The following HMMR variants were observed in gnomAD, a reference collection of about 807,000 sequenced individuals.
The protein encoded by HMMR is hyaluronan mediated motility receptor.
A neutral mutation model predicts 101.0 loss-of-function variants in HMMR; 108 were observed. That is an observed-to-expected ratio of 1.07 (90% CI 0.92 to 1.25). The LOEUF (loss-of-function observed/expected upper bound fraction) is 1.25. Among genes scored for constraint, HMMR ranks in the 50% most tolerant of loss-of-function variants. The probability of loss-of-function intolerance (pLI) is 0.00; values close to 1 mark genes in which losing one functional copy is unlikely to be tolerated. For synonymous variants in HMMR, 296 were observed against 276.4 expected, an observed-to-expected ratio of 1.07 and a Z score of -0.70; for missense variants, 813 against 788.7, an observed-to-expected ratio of 1.03 and a Z score of -0.37.
In HMMR at chr5:163,490,498, G is replaced by T. The variant is rs771048014; in HGVS notation, c.2071G>T (p.Ala691Ser). The T allele has an allele frequency of 2.5e-6, 4 of 1,603,852 alleles. No homozygotes were observed. Among genetic ancestry groups the T allele is most frequent in the East Asian group, 4.5e-5 (2 of 44,736 alleles). Reference protein sequence around the residue: ...LGIKHFDPSKAFHHESKENFA... With the variant: ...LGIKHFDPSKSFHHESKENFA... ...TATCAAACACTTTGATCCTTCAAAG[G>T]CTTTTCATCATGAAAGTAAAGAAAA... Residue 691 changes from alanine (A) to serine (S), a missense_variant, in exon 17 of 18, where the codon GCT (alanine) becomes TCT (serine). Ala to Ser is a moderately conservative substitution (Grantham distance 99, BLOSUM62 1). Transcript: ENST00000393915.
Position 163,464,975 on chromosome 5 carries a change from G to A in HMMR, c.225+173G>A. Reference sequence around the variant, plus strand: ...TAGCAAGTTTTACATTTCTGCCTAGGTCATTATGTTTAAATGTGCCCTTAG... The same window carrying A: ...TAGCAAGTTTTACATTTCTGCCTAGATCATTATGTTTAAATGTGCCCTTAG... On this transcript the variant is annotated intron_variant, in intron 3 of 17. Transcript: ENST00000393915. 8.7e-6 allele frequency: 5 copies of A among 575,004 alleles called. No individual in the cohort carries two copies. The South Asian group carries it at 1.1e-4, about 13-fold the overall frequency. 35.6% of individuals were successfully genotyped at this position (575,004 alleles called of 1,614,324 possible).
At chr5:163,482,596 C>T (rs375134836) in intron 12 of HMMR, 46 bp from the exon 13 acceptor site, 61 of 1,368,522 alleles carry the variant, frequency 4.5e-5, no homozygotes, top group Non-Finnish European at 5.2e-5. Context: ...GATTGTCATA[C>T]GCAATAGTTA....
chr5:163,471,123 GT>G, intron 5 of HMMR, 61 bp from the exon 6 acceptor site: 1 of 1,004,176 alleles, frequency 1.0e-6, no homozygotes, highest in Non-Finnish European at 1.5e-6. Flanking sequence ...CAATATTTGT[GT>G]ATTTTAAATA....
At chr5:163,472,586 C>T (rs2113476420) in intron 7 of HMMR, among the ~76,000 whole-genome samples, 1 of 152,264 alleles carries the variant, frequency 6.6e-6, no homozygotes, top group East Asian at 1.9e-4. Flanking sequence ...TCCAGATTCT[C>T]ACCAACATTT....
At chr5:163,461,148 A>G (rs1451568690) in intron 1 of HMMR, among the ~76,000 whole-genome samples, 3 of 152,186 alleles carry the variant, frequency 2.0e-5, no homozygotes, top group Non-Finnish European at 2.9e-5. Flanking sequence ...CCATTTGGGC[A>G]TAAAAGAAGG....
Position 163,473,359 on chromosome 5 carries a change from G to A in HMMR, c.726-20G>A. 6.3e-7 allele frequency: 1 copy of A among 1,593,110 alleles called. No homozygotes were observed. The highest frequency in any genetic ancestry group is 8.6e-7 in the Non-Finnish European group (1 of 1,166,122). ...GTGCCTAAATAGATGTGCTTTTTAA[G>A]ATAATTTGTTTTAATGCAGTTGTGC... On this transcript the variant is annotated intron_variant, in intron 8 of 17. Coordinates refer to ENST00000393915, the MANE Select transcript of HMMR (RefSeq NM_001142556.2).
chr5:163,472,181 T>C (rs1216180217), intron 7 of HMMR, among the ~76,000 whole-genome samples: 2 of 151,986 alleles, frequency 1.3e-5, no homozygotes, highest in Non-Finnish European at 2.9e-5. Flanking sequence ...ACCTGGCCAG[T>C]TTTGCCTTTT....
At chr5:163,485,439 C>G (rs754251905) in intron 16 of HMMR, among the ~76,000 whole-genome samples, 10 of 152,282 alleles carry the variant, frequency 6.6e-5, no homozygotes, top group Admixed American at 4.6e-4. Flanking sequence ...TGATGTTGGT[C>G]ATCTTTTCAT....
Position 163,473,437 on chromosome 5 carries a change from T to C in HMMR, c.784T>C (p.Leu262=). 6.2e-7 allele frequency: 1 copy of C among 1,611,130 alleles called. No individual in the cohort carries two copies. Among genetic ancestry groups the C allele is most frequent in the Non-Finnish European group, 8.5e-7 (1 of 1,178,090 alleles). The change falls in exon 9 of 18, where the codon TTG becomes CTG. Residue 262 remains leucine, a synonymous_variant. Transcript: ENST00000393915. ...AGATATTGCCCAGTTAGAAGAAAAT[T>C]TGAAAGAGAAGAATGATGAAATTTT... ...KLDIAQLEEN[L]KEKNDEILSL...
At chr5:163,482,325 A>G (rs1215500340) in intron 12 of HMMR, among the ~76,000 whole-genome samples, 1 of 152,126 alleles carries the variant, frequency 6.6e-6, no homozygotes, top group Admixed American at 6.5e-5. Flanking sequence ...CTTACTCATT[A>G]GGCTCTAGTC....
intron 10 of HMMR, 49 bp from the exon 11 acceptor site, chr5:163,475,409 C>CT: frequency 1.8e-6 from 2 of 1,110,380 alleles, no homozygotes; most frequent in Non-Finnish European, 2.6e-6. Flanking sequence ...CTAGTACAAC[C>CT]TCACAATGCC....
Position 163,461,626 on chromosome 5 carries a change from CA to C in HMMR, c.46+896del, listed in dbSNP as rs56938032. On this transcript the variant is annotated intron_variant, in intron 1 of 17. Transcript: ENST00000393915. ...TGAAACCCCGTCTGTACTAAAAATA[CA>C]AAAAAAATTAGCCAGGCGCGGTGGC... Among the ~76,000 whole-genome samples the C allele has an allele frequency of 7.9e-5, 12 of 151,452 alleles. No individual in the cohort carries two copies. In the East Asian group the frequency reaches 1.7e-3, roughly 22 times the overall value.
At position 163,480,341 on chromosome 5, in the gene HMMR, A is replaced by G. The variant is rs531938902; in HGVS notation, c.1385+1541A>G. Reference sequence around the variant, plus strand: ...ATCATAGTATATGCCGTTTCCTGGGACTTATTTTTTCATTCTGCATTATGT... The same window carrying G: ...ATCATAGTATATGCCGTTTCCTGGGGCTTATTTTTTCATTCTGCATTATGT... On this transcript the variant is annotated intron_variant, in intron 12 of 17. Coordinates refer to ENST00000393915, the MANE Select transcript of HMMR (RefSeq NM_001142556.2). Among the ~76,000 whole-genome samples, 181 of 152,230 alleles carry G rather than the reference A, an allele frequency of 1.2e-3. 1 individual carries two copies. The highest frequency in any genetic ancestry group is 1.6e-3 in the Non-Finnish European group (107 of 68,004).
chr5:163,474,029 A>C, intron 9 of HMMR, 28 bp from the exon 10 acceptor site: 1 of 1,582,654 alleles, frequency 6.3e-7, no homozygotes. Flanking sequence ...ATCTAATTCC[A>C]GTATTCTTGA....
chr5:163,479,141 A>G (rs1759171359), intron 12 of HMMR, among the ~76,000 whole-genome samples: 1 of 151,774 alleles, frequency 6.6e-6, no homozygotes, highest in Non-Finnish European at 1.5e-5. Context: ...CTTCTGCCCT[A>G]CTCTCTTGAT....
chr5:163,476,453 C>G (rs1581195340), intron 11 of HMMR, among the ~76,000 whole-genome samples: 1 of 152,262 alleles, frequency 6.6e-6, no homozygotes, highest in East Asian at 1.9e-4. Flanking sequence ...TCCGGGAGCA[C>G]AAACACTTCA....
At chr5:163,470,320 C>G (rs1175430901) in intron 5 of HMMR, among the ~76,000 whole-genome samples, 1 of 151,994 alleles carries the variant, frequency 6.6e-6, no homozygotes, top group African/African-American at 2.4e-5. Flanking sequence ...CCCAAACAAC[C>G]TTTCAAAAAT....
Position 163,471,098 on chromosome 5 carries a change from G to A in HMMR, c.463-87G>A, listed in dbSNP as rs575642371. On this transcript the variant is annotated intron_variant, in intron 5 of 17. Transcript: ENST00000393915. ...TTAAAGTCAAAAACATAACCCCAGT[G>A]ATAGGTAGAAAAATCAATATTTGTG... is the stretch of plus-strand genomic sequence containing the variant. The A allele has an allele frequency of 7.5e-6, 6 of 795,816 alleles. No individual in the cohort carries two copies. In the South Asian group the frequency reaches 8.6e-5, roughly 11 times the overall value. 49.3% of individuals were successfully genotyped at this position (795,816 alleles called of 1,614,324 possible). A position where few individuals can be genotyped will look rare whatever the true frequency, so the allele number is the denominator to read the frequency against.
At chr5:163,479,038 G>A (rs1425373666) in intron 12 of HMMR, among the ~76,000 whole-genome samples, 2 of 152,034 alleles carry the variant, frequency 1.3e-5, no homozygotes, top group South Asian at 4.1e-4. Flanking sequence ...ACTTTTATGT[G>A]CTGAGCCAGG....
Sources: allele counts gnomAD v4.1 joint callset (sites outside exome capture counted in the v4.1 genomes callset), GRCh38; gene constraint gnomAD v4.1.1; transcripts MANE v1.5; gene names NCBI Gene and HGNC (gene_info 2026-07-23, HGNC 2026-07-21).